Variants in GLTP observed in about 807,000 individuals in gnomAD.
The protein encoded by GLTP is glycolipid transfer protein.
Under a neutral mutation model 24.0 loss-of-function variants are expected in GLTP, and 22 were observed. The ratio of observed to expected loss-of-function variants is 0.92; its 90% CI spans 0.65 to 1.31. The LOEUF is 1.31. Among genes scored for constraint, GLTP ranks in the 50% most tolerant of loss-of-function variants. The pLI is 0.00. For missense variants in GLTP, 224 were observed against 276.6 expected, an observed-to-expected ratio of 0.81 and a Z score of 1.35; for synonymous variants, 92 against 115.9, an observed-to-expected ratio of 0.79 and a Z score of 1.33.
rs186760589 is a variant in GLTP at position 109,859,669 on chromosome 12, G to T, written c.104-928C>A. On this transcript the variant is annotated intron_variant, in intron 1 of 4. Coordinates refer to ENST00000318348, the MANE Select transcript of GLTP (RefSeq NM_016433.4). ...AAAGCTCATAGAATAAGGATATAAA[G>T]AATTTTTTTCTAGAGCTGTACAATG... The T allele has an allele frequency of 4.4e-3, 670 of 150,976 alleles. 3 individuals are homozygous for T. Among genetic ancestry groups the T allele is most frequent in the Middle Eastern group, 0.01 (3 of 294 alleles). 9.4% of individuals were successfully genotyped at this position (150,976 alleles called of 1,614,324 possible). A position where few individuals can be genotyped will look rare whatever the true frequency, so the allele number is the denominator to read the frequency against.
In GLTP at chr12:109,880,226, G is replaced by A. The variant is rs1454168881; in HGVS notation, c.103+46C>T. On this transcript the variant is annotated intron_variant, in intron 1 of 4. Coordinates refer to ENST00000318348, the MANE Select transcript of GLTP (RefSeq NM_016433.4). The surrounding 1 kb of genome is among the most constrained non-coding windows in gnomAD (Gnocchi z 5.1). The stretch of plus-strand genomic sequence containing the variant: ...GATGCTCGGGGGAAGGAGGATTCGG[G>A]TGCGCGTGGGGCTGCGGGCCGCCTC... 2.6e-6 allele frequency: 3 copies of A among 1,143,814 alleles called. No homozygotes were observed. The highest frequency in any genetic ancestry group is 3.9e-6 in the Non-Finnish European group (3 of 774,380). The allele number at this position is 1,143,814 out of a possible 1,614,324, so 70.9% of individuals were successfully genotyped here.
At chr12:109,871,081 C>CTTTTTTTTTTTTTTTTTTTTTTTTTTTTT (rs965998479) in intron 1 of GLTP, among the ~76,000 whole-genome samples, 1 of 114,434 alleles carries the variant, frequency 8.7e-6, no homozygotes, top group African/African-American at 3.4e-5. Context: ...CATTTCCATT[C>CTTTTTTTTTTTTTTTTTTTTTTTTTTTTT]TTTTTTTTTT....
At chr12:109,876,708 A>G (rs1868895543) in intron 1 of GLTP, among the ~76,000 whole-genome samples, 1 of 152,028 alleles carries the variant, frequency 6.6e-6, no homozygotes, top group African/African-American at 2.4e-5. Context: ...GGAAAGACAG[A>G]AAAGGACTGA....
intron 2 of GLTP, 97 bp downstream of exon 2, chr12:109,858,586 T>C: frequency 1.2e-6 from 1 of 862,634 alleles, no homozygotes; most frequent in East Asian, 2.4e-5. Flanking sequence ...TTCCTTGGGG[T>C]GGGAAGCTTG....
chr12:109,856,548 C>A (rs1892798956), intron 3 of GLTP, among the ~76,000 whole-genome samples: 1 of 152,166 alleles, frequency 6.6e-6, no homozygotes, highest in East Asian at 1.9e-4. Context: ...GCCTGCCTCA[C>A]TGACCCCCAG....
At position 109,857,673 on chromosome 12, in the gene GLTP, C is replaced by G. The variant is rs1318835499; in HGVS notation, c.163-14G>C. On this transcript the variant is annotated splice_polypyrimidine_tract_variant and intron_variant, in intron 2 of 4. Transcript: ENST00000318348. This position sits in a 1 kb window ranked among gnomAD's most constrained non-coding sequence, Gnocchi z 4.3. ...AGCTTTGATTTTCTGAAATGGAGCA[C>G]ACAAGATTTCCCCTTGGGTAAGCTG... The G allele has an allele frequency of 3.7e-6, 6 of 1,614,068 alleles. No homozygotes were observed. In the Admixed American group the frequency reaches 1.0e-4, roughly 27 times the overall value.
chr12:109,854,928 T>C (rs922675693), intron 4 of GLTP, among the ~76,000 whole-genome samples: 2 of 152,240 alleles, frequency 1.3e-5, no homozygotes, highest in Non-Finnish European at 2.9e-5. Flanking sequence ...CCCCTCGTTC[T>C]CATGGCCGCC....
chr12:109,870,164 C>T (rs1868674023), intron 1 of GLTP, among the ~76,000 whole-genome samples: 1 of 151,954 alleles, frequency 6.6e-6, no homozygotes, highest in Non-Finnish European at 1.5e-5. Flanking sequence ...AGTAAGTGCT[C>T]AGTGAAAAAG....
At chr12:109,877,761 A>G (rs758086520) in intron 1 of GLTP, among the ~76,000 whole-genome samples, 1 of 152,150 alleles carries the variant, frequency 6.6e-6, no homozygotes, top group Non-Finnish European at 1.5e-5. Flanking sequence ...CGCTCCCAAG[A>G]TCTAGAAAAA....
intron 1 of GLTP, among the ~76,000 whole-genome samples, chr12:109,878,000 G>T (rs1367196521): frequency 2.0e-5 from 3 of 152,210 alleles, no homozygotes; most frequent in African/African-American, 7.2e-5. Context: ...GGGCCCTGTG[G>T]TGGTTAACCC....
rs1450649990 is a variant in GLTP, at chr12:109,880,315, G to C, written c.60C>G (p.Thr20=). The change falls in exon 1 of 5, where the codon ACC becomes ACG. Residue 20 remains threonine (T), a synonymous_variant. Transcript: ENST00000318348. The surrounding 1 kb of genome is among the most constrained non-coding windows in gnomAD (Gnocchi z 5.1). Reference sequence around the variant, plus strand: ...GGGACACCGCCTCGAGGAAGGGCCCGGTCTCGATCTGCTTGTCCGCGGGCA... The same window carrying C: ...GGGACACCGCCTCGAGGAAGGGCCCCGTCTCGATCTGCTTGTCCGCGGGCA... ...KPLPADKQIE[T]GPFLEAVSHL... The C allele has an allele frequency of 2.5e-6, 4 of 1,606,246 alleles. No individual in the cohort carries two copies. The highest frequency in any genetic ancestry group is 3.4e-6 in the Non-Finnish European group (4 of 1,177,940).
At position 109,864,455 on chromosome 12, in the gene GLTP, T is replaced by A. The variant is rs537891843; in HGVS notation, c.104-5714A>T. 2.0e-5 allele frequency among the ~76,000 whole-genome samples: 3 copies of A among 152,288 alleles called. No individual in the cohort carries two copies. The East Asian group carries it at 5.8e-4, about 29-fold the overall frequency. ...GCCAAGTGACTTAACCACTCCAGGT[T>A]CAGGCCCTTCGGTTTCTACAGCCCA... On this transcript the variant is annotated intron_variant, in intron 1 of 4. Coordinates refer to ENST00000318348, the MANE Select transcript of GLTP (RefSeq NM_016433.4).
chr12:109,854,256 A>T (rs1454821896), intron 4 of GLTP, among the ~76,000 whole-genome samples: 3 of 151,468 alleles, frequency 2.0e-5, no homozygotes, highest in Non-Finnish European at 2.9e-5. Context: ...GCTACTCAAG[A>T]CACTGAGGCT....
intron 1 of GLTP, chr12:109,866,589 T>C (rs1868535488): frequency 6.6e-6 from 1 of 152,222 alleles, no homozygotes; most frequent in African/African-American, 2.4e-5. Flanking sequence ...CAAATGTCAC[T>C]GCTTTCATAG....
At chr12:109,872,156 G>A (rs891281566) in intron 1 of GLTP, among the ~76,000 whole-genome samples, 2 of 152,226 alleles carry the variant, frequency 1.3e-5, no homozygotes, top group Non-Finnish European at 2.9e-5. Flanking sequence ...GGCTGCTGGA[G>A]CAATTGTCAG....
intron 1 of GLTP, among the ~76,000 whole-genome samples, chr12:109,871,381 G>A (rs545841016): frequency 1.1e-4 from 17 of 152,016 alleles, no homozygotes; most frequent in Non-Finnish European, 1.8e-4. Flanking sequence ...CACTGCGCCC[G>A]GCCCCAATAT....
intron 1 of GLTP, among the ~76,000 whole-genome samples, chr12:109,876,758 G>T (rs963434719): frequency 6.6e-6 from 1 of 150,836 alleles, no homozygotes; most frequent in Admixed American, 6.6e-5. Context: ...GGTAGAAAAA[G>T]CAGGTTATAC....
At chr12:109,856,295 A>G (rs923045103) in intron 3 of GLTP, among the ~76,000 whole-genome samples, 9 of 152,114 alleles carry the variant, frequency 5.9e-5, no homozygotes, top group Non-Finnish European at 5.9e-5. Flanking sequence ...GCATCCTCCA[A>G]TGGCCACTCG....
At chr12:109,866,455 C>G (rs935876321) in intron 1 of GLTP, 1 of 152,132 alleles carries the variant, frequency 6.6e-6, no homozygotes, top group Non-Finnish European at 1.5e-5. Context: ...AAGTGATCTT[C>G]CTGCCTCAGC....
Sources: gnomAD v4.1 joint callset for allele counts (sites outside exome capture counted in the v4.1 genomes callset) on GRCh38, gnomAD v4.1.1 for gene constraint, Gnocchi (gnomAD v3.1) non-coding constraint, MANE v1.5 for transcripts, NCBI Gene and HGNC (gene_info 2026-07-23, HGNC 2026-07-21) for gene names.